XKR6: variants seen among roughly 807,000 people sequenced by gnomAD.
XKR6 encodes the protein XK-related protein 6.
XKR6 carries 22 observed loss-of-function variants against 56.7 expected under a neutral mutation model. The ratio of observed to expected loss-of-function variants is 0.39; its 90% CI spans 0.28 to 0.55. XKR6 has a LOEUF of 0.55. Among genes scored for constraint, XKR6 ranks in the 20% least tolerant of loss-of-function variants. The probability of loss-of-function intolerance (pLI) is 0.66; values close to 1 mark genes in which losing one functional copy is unlikely to be tolerated. For synonymous variants in XKR6, 524 were observed against 387.8 expected, an observed-to-expected ratio of 1.35 and a Z score of -4.13; for missense variants, 852 against 889.0, an observed-to-expected ratio of 0.96 and a Z score of 0.53.
chr8:11,144,863 T>G (rs1213650288), intron 1 of XKR6, among the ~76,000 whole-genome samples: 71 of 112,012 alleles, frequency 6.3e-4, no homozygotes, highest in South Asian at 1.2e-3. Flanking sequence ...AAGGGAGGGG[T>G]AGGGAGGGGA....
chr8:10,982,162 G>C (rs1384550055), intron 1 of XKR6, among the ~76,000 whole-genome samples: 1 of 152,198 alleles, frequency 6.6e-6, no homozygotes, highest in Non-Finnish European at 1.5e-5. Context: ...TATCAGCTCT[G>C]TTTCAAAGGC....
rs758141492 is a variant in XKR6 at position 11,201,388 on chromosome 8, G to A, written c.-49C>T. The stretch of plus-strand genomic sequence containing the variant: ...AGGTTGGGGGGGAGGGACGGCGGGG[G>A]GGGGGGGAAGAAGGCAGGGAACGGG... On this transcript the variant is annotated 5_prime_UTR_variant, in exon 1 of 3. Transcript: ENST00000416569. 8.9e-6 allele frequency: 10 copies of A among 1,118,440 alleles called. 1 individual carries two copies. The South Asian group carries it at 1.2e-4, about 13-fold the overall frequency. The allele number at this position is 1,118,440 out of a possible 1,614,324, so 69.3% of individuals were successfully genotyped here.
At chr8:11,022,220 G>A (rs1415216263) in intron 1 of XKR6, among the ~76,000 whole-genome samples, 2 of 151,436 alleles carry the variant, frequency 1.3e-5, no homozygotes, top group African/African-American at 4.9e-5. Flanking sequence ...GGTGCCAGTA[G>A]CACAAACAGT....
intron 1 of XKR6, among the ~76,000 whole-genome samples, chr8:10,926,164 C>A (rs1338752314): frequency 1.3e-5 from 2 of 152,180 alleles, no homozygotes; most frequent in Non-Finnish European, 2.9e-5. Context: ...TCAGGTATTA[C>A]CAAGAACACA....
At chr8:11,058,515 G>T (rs1176145804) in intron 1 of XKR6, among the ~76,000 whole-genome samples, 2 of 152,192 alleles carry the variant, frequency 1.3e-5, no homozygotes, top group Non-Finnish European at 2.9e-5. Flanking sequence ...CCATAAAAAA[G>T]GATGAATTCA....
In XKR6 at chr8:10,924,815, C is replaced by A; in HGVS notation, c.780G>T (p.Met260Ile). ...MGQVWRYIRT[M>I]YLGIQSQRRK... ...GCCGCTGGCTCTGAATCCCCAGGTA[C>A]ATGGTGCGGATATACCTGCCCAGAG... Residue 260 changes from methionine to isoleucine, a missense_variant, in exon 2 of 3, where the codon ATG (methionine) becomes ATT (isoleucine). Physicochemically the swap from Met to Ile is conservative, Grantham distance 10 (BLOSUM62 1). This residue lies in a region of XKR6 where 199 missense variants were observed against 280.4 expected (regional missense o/e 0.71). Coordinates refer to ENST00000416569, the MANE Select transcript of XKR6 (RefSeq NM_173683.4). 6.2e-7 allele frequency: 1 copy of A among 1,613,722 alleles called. No individual in the cohort carries two copies. Among genetic ancestry groups the A allele is most frequent in the South Asian group, 1.1e-5 (1 of 91,052 alleles).
chr8:10,997,304 T>C (rs561612550), intron 1 of XKR6, among the ~76,000 whole-genome samples: 1 of 152,334 alleles, frequency 6.6e-6, no homozygotes, highest in Non-Finnish European at 1.5e-5. Context: ...TTTTAACTCC[T>C]TTAATCCTCA....
At chr8:11,108,577 T>G in intron 1 of XKR6, 1 of 335,456 alleles carries the variant, frequency 3.0e-6, no homozygotes, top group South Asian at 2.4e-5. Flanking sequence ...GGACTCTATT[T>G]CTATCACCCG....
At chr8:11,147,485 A>G (rs1195230302) in intron 1 of XKR6, among the ~76,000 whole-genome samples, 2 of 151,766 alleles carry the variant, frequency 1.3e-5, no homozygotes, top group African/African-American at 4.8e-5. Context: ...GTGAAACCCC[A>G]TCTCTACTAA....
chr8:10,935,646 T>C (rs1164535598), intron 1 of XKR6, among the ~76,000 whole-genome samples: 11 of 151,756 alleles, frequency 7.2e-5, no homozygotes, highest in African/African-American at 2.7e-4. Context: ...TCTGCCTTCA[T>C]TTTGTTATGT....
intron 1 of XKR6, among the ~76,000 whole-genome samples, chr8:11,117,478 G>A (rs763947653): frequency 1.1e-4 from 16 of 151,902 alleles, no homozygotes; most frequent in South Asian, 4.2e-4. Context: ...GAATGACGGC[G>A]TGGAGACAGC....
At chr8:11,128,927 G>A (rs1799962571) in intron 1 of XKR6, 1 of 456,566 alleles carries the variant, frequency 2.2e-6, no homozygotes, top group Middle Eastern at 3.3e-4. Context: ...TTGTTCCCCT[G>A]GCTTCTTTAA....
chr8:10,973,241 A>G (rs1279903807), intron 1 of XKR6, among the ~76,000 whole-genome samples: 1 of 152,224 alleles, frequency 6.6e-6, no homozygotes, highest in Non-Finnish European at 1.5e-5. Context: ...AATGGGTCAT[A>G]TATGTCCCAG....
At chr8:10,918,270 T>G (rs550181145) in intron 2 of XKR6, among the ~76,000 whole-genome samples, 3 of 152,320 alleles carry the variant, frequency 2.0e-5, no homozygotes, top group South Asian at 4.1e-4. Context: ...AGTAAGACAG[T>G]GAGGCTTCCC....
At chr8:10,984,831 C>G (rs960272098) in intron 1 of XKR6, among the ~76,000 whole-genome samples, 1 of 150,274 alleles carries the variant, frequency 6.7e-6, no homozygotes, top group Non-Finnish European at 1.5e-5. Context: ...GGAAAGCCAT[C>G]TGATGTTCTT....
intron 1 of XKR6, among the ~76,000 whole-genome samples, chr8:10,982,912 A>T (rs1161545918): frequency 6.6e-6 from 1 of 152,150 alleles, no homozygotes; most frequent in East Asian, 1.9e-4. Context: ...CTCCACTGGG[A>T]CCCCATTTCC....
intron 1 of XKR6, among the ~76,000 whole-genome samples, chr8:11,049,133 C>T (rs910666897): frequency 6.6e-6 from 1 of 152,196 alleles, no homozygotes; most frequent in African/African-American, 2.4e-5. Context: ...CTGGGTTGCT[C>T]AGGAGCCCAT....
intron 1 of XKR6, among the ~76,000 whole-genome samples, chr8:11,089,503 G>T (rs1007173913): frequency 1.3e-5 from 2 of 152,112 alleles, no homozygotes; most frequent in African/African-American, 4.8e-5. Context: ...AGGGTGTATT[G>T]ATGCATGCTT....
At chr8:11,039,802 A>G (rs1799238752) in intron 1 of XKR6, among the ~76,000 whole-genome samples, 1 of 152,226 alleles carries the variant, frequency 6.6e-6, no homozygotes, top group Non-Finnish European at 1.5e-5. Flanking sequence ...CTGGGCATAC[A>G]GCCCCCACCT....
Sources: gnomAD v4.1 joint callset for allele counts (sites outside exome capture counted in the v4.1 genomes callset) on GRCh38, gnomAD v4.1.1 for gene constraint, gnomAD v4.1.1 regional missense constraint, MANE v1.5 for transcripts, NCBI Gene and HGNC (gene_info 2026-07-23, HGNC 2026-07-21) for gene names.